Variants in NAA11 observed in about 807,000 individuals in gnomAD.
The protein encoded by NAA11 is N-alpha-acetyltransferase 11.
NAA11 carries 15 observed loss-of-function variants against 16.1 expected under a neutral mutation model. That is an observed-to-expected ratio of 0.93 (90% CI 0.62 to 1.44). The LOEUF (loss-of-function observed/expected upper bound fraction) is 1.44, where lower values mean the gene tolerates loss of function less well. Among genes scored for constraint, NAA11 ranks in the 40% most tolerant of loss-of-function variants. The probability of loss-of-function intolerance (pLI) is 0.00; values close to 1 mark genes in which losing one functional copy is unlikely to be tolerated. For missense variants in NAA11, 298 were observed against 291.3 expected (o/e 1.02, Z -0.17); for synonymous variants, 122 against 112.4 (o/e 1.09, Z -0.54).
chr4:79,261,247 G>A (rs996965908), intron 2 of NAA11, among the ~76,000 whole-genome samples: 6 of 152,132 alleles, frequency 3.9e-5, no homozygotes, highest in African/African-American at 9.7e-5. Flanking sequence ...TACTTATAGC[G>A]TGTCTGGATA....
At chr4:79,166,844 G>T in the NAA11 span, among the ~76,000 whole-genome samples, 1 of 148,494 alleles carries the variant, frequency 6.7e-6, no homozygotes, top group Admixed American at 6.7e-5. Flanking sequence ...CTCCAGCCTG[G>T]GCAACAGAGC....
chr4:79,208,766 A>G, the NAA11 span, among the ~76,000 whole-genome samples: 1 of 151,694 alleles, frequency 6.6e-6, no homozygotes, highest in Non-Finnish European at 1.5e-5. Context: ...ACCTCTTCAT[A>G]GAAATTTAGA....
chr4:79,257,872 T>C (rs1010967120), intron 2 of NAA11, among the ~76,000 whole-genome samples: 1 of 152,238 alleles, frequency 6.6e-6, no homozygotes, highest in African/African-American at 2.4e-5. Flanking sequence ...GTTAAAATTT[T>C]AGTTTAATCT....
At chr4:79,273,392 C>G (rs1269704915) in intron 2 of NAA11, among the ~76,000 whole-genome samples, 5 of 151,962 alleles carry the variant, frequency 3.3e-5, no homozygotes, top group African/African-American at 1.2e-4. Flanking sequence ...CAATTTCAGA[C>G]ATAAATTCAG....
In NAA11 at chr4:79,264,726, A is replaced by G. The variant is rs142601245; in HGVS notation, c.*122+29279T>C. Among the ~76,000 whole-genome samples the G allele has an allele frequency of 5.0e-4, 76 of 152,188 alleles. No individual in the cohort carries two copies. In the East Asian group the frequency reaches 0.012, roughly 24 times the overall value. ...TTTTGTTTTCCTTGCCACACTGGGCACTTCTTTTCAGTCTCATTTAATGGA... is the reference window on the plus strand; with the variant it reads ...TTTTGTTTTCCTTGCCACACTGGGCGCTTCTTTTCAGTCTCATTTAATGGA... On this transcript the variant is annotated intron_variant and NMD_transcript_variant, in intron 2 of 2. Coordinates refer to the NAA11 transcript ENST00000511542.
the NAA11 span, among the ~76,000 whole-genome samples, chr4:79,200,259 C>G: frequency 6.6e-6 from 1 of 151,690 alleles, no homozygotes; most frequent in African/African-American, 2.4e-5. Context: ...GTTAATATAC[C>G]TAAAAAACTC....
At chr4:79,170,786 A>T in the NAA11 span, among the ~76,000 whole-genome samples, 1 of 150,094 alleles carries the variant, frequency 6.7e-6, no homozygotes, top group Non-Finnish European at 1.5e-5. Context: ...TACATCTGTG[A>T]TCTAAGTTTT....
intron 2 of NAA11, among the ~76,000 whole-genome samples, chr4:79,236,494 A>G (rs1000202617): frequency 4.6e-5 from 7 of 152,154 alleles, no homozygotes; most frequent in Non-Finnish European, 8.8e-5. Context: ...CCTCAGGTTT[A>G]GAATATCTAA....
At chr4:79,282,676 T>C (rs190537370) in intron 2 of NAA11, among the ~76,000 whole-genome samples, 3 of 152,252 alleles carry the variant, frequency 2.0e-5, no homozygotes, top group African/African-American at 7.2e-5. Context: ...AAGTTTTGTT[T>C]GAGGCATGTT....
At chr4:79,228,231 A>G (rs1352930088) in intron 2 of NAA11, among the ~76,000 whole-genome samples, 6 of 152,050 alleles carry the variant, frequency 3.9e-5, no homozygotes, top group Non-Finnish European at 8.8e-5. Flanking sequence ...TTGGGGAAAT[A>G]TTGTTAATTT....
chr4:79,260,130 G>A (rs1722215956), intron 2 of NAA11, among the ~76,000 whole-genome samples: 1 of 152,128 alleles, frequency 6.6e-6, no homozygotes, highest in Admixed American at 6.5e-5. Flanking sequence ...TTTGGTATTT[G>A]GGGGTTATCC....
At position 79,292,274 on chromosome 4, in the gene NAA11, T is replaced by A. The variant is rs888245004; in HGVS notation, c.*122+1731A>T. On this transcript the variant is annotated intron_variant and NMD_transcript_variant, in intron 2 of 2. Transcript: ENST00000511542. ...TTCACAGAATCAGTTTAATATAGAC[T>A]AGTATGAATGATGATTCATACTATT... Among the ~76,000 whole-genome samples the A allele has an allele frequency of 2.0e-5, 3 of 152,200 alleles. No homozygotes were observed. In the South Asian group the frequency reaches 6.2e-4, roughly 32 times the overall value.
At chr4:79,233,180 T>C (rs1281628114) in intron 2 of NAA11, among the ~76,000 whole-genome samples, 2 of 151,966 alleles carry the variant, frequency 1.3e-5, no homozygotes, top group African/African-American at 4.8e-5. Context: ...AAGTGTTTCA[T>C]TATCTCTGCC....
At chr4:79,287,144 C>G (rs969860798) in intron 2 of NAA11, among the ~76,000 whole-genome samples, 28 of 152,212 alleles carry the variant, frequency 1.8e-4, no homozygotes, top group African/African-American at 6.5e-4. Context: ...TTTATAACCT[C>G]AAACTCACTG....
At chr4:79,204,878 C>A in the NAA11 span, among the ~76,000 whole-genome samples, 15 of 149,880 alleles carry the variant, frequency 1.0e-4, no homozygotes, top group African/African-American at 3.7e-4. Flanking sequence ...TGGCTTGCTG[C>A]AAAAAACATT....
chr4:79,262,778 ATGTGT>A (rs1722268484), intron 2 of NAA11, among the ~76,000 whole-genome samples: 1 of 152,150 alleles, frequency 6.6e-6, no homozygotes, highest in Non-Finnish European at 1.5e-5. Context: ...TATGTAGTAA[ATGTGT>A]TCTAAAGGGC....
intron 1 of NAA11, among the ~76,000 whole-genome samples, chr4:79,320,741 C>G (rs1724065850): frequency 6.6e-6 from 1 of 152,204 alleles, no homozygotes; most frequent in Non-Finnish European, 1.5e-5. Flanking sequence ...ACTTCTAACT[C>G]TGTCTCTGTT....
At chr4:79,321,081 C>T (rs902970792) in intron 1 of NAA11, among the ~76,000 whole-genome samples, 3 of 152,160 alleles carry the variant, frequency 2.0e-5, no homozygotes, top group African/African-American at 7.2e-5. Flanking sequence ...AACAGAATCC[C>T]ATAGTTTTCC....
Position 79,325,674 on chromosome 4 carries a change from C to T in NAA11, c.204G>A (p.Pro68=), listed in dbSNP as rs762585511. The T allele has an allele frequency of 2.5e-6, 4 of 1,614,064 alleles. No individual in the cohort carries two copies. Among genetic ancestry groups the T allele is most frequent in the African/African-American group, 1.3e-5 (1 of 75,038 alleles). Residue 68 remains proline (P), a synonymous_variant, in exon 1 of 2, where the codon CCG becomes CCA. Transcript: ENST00000286794. ...AKMEEEPDDV[P]HGHITSLAVK... The stretch of plus-strand genomic sequence containing the variant: ...CGGCCAGTGAGGTGATATGGCCATG[C>T]GGGACATCATCTGGTTCCTCCTCCA...
Sources: gnomAD v4.1 joint callset for allele counts (sites outside exome capture counted in the v4.1 genomes callset) on GRCh38, gnomAD v4.1.1 for gene constraint, MANE v1.5 for transcripts, NCBI Gene and HGNC (gene_info 2026-07-23, HGNC 2026-07-21) for gene names.